Variants in MAN2A2 observed in about 807,000 individuals in gnomAD.
MAN2A2 encodes the protein alpha-mannosidase 2x.
A neutral mutation model predicts 126.8 loss-of-function variants in MAN2A2; 79 were observed. That is an observed-to-expected ratio of 0.62 (90% CI 0.52 to 0.75). MAN2A2 has a LOEUF of 0.75. Ranked by LOEUF, MAN2A2 falls within the 30% of genes least tolerant of loss-of-function variation. MAN2A2 has a pLI of 0.00. For missense variants in MAN2A2, 1,392 were observed against 1,522.4 expected, an observed-to-expected ratio of 0.91 and a Z score of 1.43; for synonymous variants, 671 against 618.7, an observed-to-expected ratio of 1.08 and a Z score of -1.25.
chr15:90,918,546 G>A (rs924487001), intron 21 of MAN2A2, 99 bp from the exon 22 acceptor site: 2 of 1,183,196 alleles, frequency 1.7e-6, no homozygotes, highest in Non-Finnish European at 2.4e-6. Flanking sequence ...TTACCCACAC[G>A]CCTCCCTGTG....
chr15:90,902,566 G>A (rs2033923012), upstream of MAN2A2: 1 of 152,186 alleles, frequency 6.6e-6, no homozygotes, highest in Non-Finnish European at 1.5e-5. Flanking sequence ...TCCCTCCTGA[G>A]GTTCCGCAGC....
At position 90,913,059 on chromosome 15, in the gene MAN2A2, T is replaced by A. The variant is rs1172206951; in HGVS notation, c.2584+68T>A. 5 of 1,320,398 alleles carry A rather than the reference T, an allele frequency of 3.8e-6. No homozygotes were observed. In the African/African-American group the frequency reaches 7.3e-5, roughly 19 times the overall value. The allele number at this position is 1,320,398 out of a possible 1,614,324, so 81.8% of individuals were successfully genotyped here. On this transcript the variant is annotated intron_variant, in intron 17 of 22. Coordinates refer to ENST00000559717, the MANE Select transcript of MAN2A2 (RefSeq NM_006122.4). ...CTCCACAACTGTGGCGTATTCTTCC[T>A]TCTGCTGCTTCTCTGTTCATACCTC...
At position 90,921,350 on chromosome 15, in the gene MAN2A2, A is replaced by G. The variant is rs2035534424; in HGVS notation, c.*1563A>G. On this transcript the variant is annotated 3_prime_UTR_variant, in exon 23 of 23. Coordinates refer to ENST00000559717, the MANE Select transcript of MAN2A2 (RefSeq NM_006122.4). ...TTTGGAATTGACAGTTCTAAAGTGC[A>G]TTTGGGAGAGTGAATGTGTGAGAAC... 6.6e-6 allele frequency: 1 copy of G among 152,204 alleles called. No individual in the cohort carries two copies. Among genetic ancestry groups the G allele is most frequent in the African/African-American group, 2.4e-5 (1 of 41,452 alleles). The allele number at this position is 152,204 out of a possible 1,614,324, so 9.4% of individuals were successfully genotyped here. A position where few individuals can be genotyped will look rare whatever the true frequency, so the allele number is the denominator to read the frequency against.
At chr15:90,910,004 C>A in intron 9 of MAN2A2, 86 bp from the exon 10 acceptor site, 1 of 1,227,922 alleles carries the variant, frequency 8.1e-7, no homozygotes. Flanking sequence ...GCCAGAGCCC[C>A]TGCCTCACCC....
Position 90,919,901 on chromosome 15 carries a change from A to G in MAN2A2, c.*114A>G, listed in dbSNP as rs925184766. 19 of 1,254,976 alleles carry G rather than the reference A, an allele frequency of 1.5e-5. No individual in the cohort carries two copies. The highest frequency in any genetic ancestry group is 2.1e-5 in the Non-Finnish European group (19 of 895,278). The allele number at this position is 1,254,976 out of a possible 1,614,324, so 77.7% of individuals were successfully genotyped here. A position where few individuals can be genotyped will look rare whatever the true frequency, so the allele number is the denominator to read the frequency against. On this transcript the variant is annotated 3_prime_UTR_variant, in exon 23 of 23. Coordinates refer to ENST00000559717, the MANE Select transcript of MAN2A2 (RefSeq NM_006122.4). ...CCGATCTGCCTCCCAGAACTGTGAC[A>G]CACTGGGCTCTGCCCTCATTTTCTG...
At chr15:90,918,164 C>T (rs767018649) in intron 20 of MAN2A2, 30 bp from the exon 21 acceptor site, 1 of 1,599,216 alleles carries the variant, frequency 6.3e-7, no homozygotes, top group Non-Finnish European at 8.5e-7. Flanking sequence ...GGCTTTGGTC[C>T]CTCACCAATA....
chr15:90,909,426 C>T lies in MAN2A2; in HGVS notation c.1296C>T (p.Pro432=). The change falls in exon 9 of 23, where the codon CCC becomes CCT. Residue 432 remains proline, a synonymous_variant. Transcript: ENST00000559717. ...PLGDDFRYDK[P]QEWDAQFFNY... ...GAGATGACTTCCGATATGACAAGCCCCAGGAGTGGGATGCCCAGTTCTTCA... is the reference window on the plus strand; with the variant it reads ...GAGATGACTTCCGATATGACAAGCCTCAGGAGTGGGATGCCCAGTTCTTCA... 6.2e-7 allele frequency: 1 copy of T among 1,614,116 alleles called. No individual in the cohort carries two copies. Among genetic ancestry groups the T allele is most frequent in the Non-Finnish European group, 8.5e-7 (1 of 1,179,996 alleles).
chr15:90,909,626 T>TG, intron 9 of MAN2A2, 122 bp downstream of exon 9: 1 of 919,996 alleles, frequency 1.1e-6, no homozygotes, highest in South Asian at 2.0e-5. Flanking sequence ...TTTTTTGAGA[T>TG]GGAGTCTCAC....
At chr15:90,918,504 C>T (rs551455832) in intron 21 of MAN2A2, 116 bp downstream of exon 21, 6 of 1,321,026 alleles carry the variant, frequency 4.5e-6, no homozygotes, top group African/African-American at 4.4e-5. Flanking sequence ...GTATTCGGCT[C>T]CAAACCTCCA....
rs1483628927 is a variant in MAN2A2, at chr15:90,911,239, G to T, written c.1943+1G>T. On this transcript the variant is annotated splice_donor_variant, in intron 13 of 22. Coordinates refer to ENST00000559717, the MANE Select transcript of MAN2A2 (RefSeq NM_006122.4). LOFTEE classifies it high-confidence loss of function. ...TGATCCAGCTGGATTCCTCGCCCAG[G>T]TAACCTGGACTACGCCATGTGCAGA... 1 of 1,614,058 alleles carries T rather than the reference G, an allele frequency of 6.2e-7. No homozygotes were observed.
chr15:90,913,871 C>T, intron 19 of MAN2A2, 116 bp downstream of exon 19: 8 of 1,332,470 alleles, frequency 6.0e-6, no homozygotes, highest in Non-Finnish European at 8.0e-6. Flanking sequence ...TGCATCACCT[C>T]CATGCTTGGA....
intron 20 of MAN2A2, chr15:90,916,564 A>C (rs1420715562): frequency 2.2e-6 from 3 of 1,381,856 alleles, no homozygotes; most frequent in Non-Finnish European, 1.9e-6. Flanking sequence ...CGCTCATCTC[A>C]TGGCTTTCTT....
At chr15:90,908,125 T>G (rs1241199316) in intron 8 of MAN2A2, among the ~76,000 whole-genome samples, 1 of 152,240 alleles carries the variant, frequency 6.6e-6, no homozygotes, top group Non-Finnish European at 1.5e-5. Context: ...GTCTTTTGTT[T>G]CCAGAAGTCT....
chr15:90,902,647 G>A (rs2033928018), upstream of MAN2A2: 1 of 151,708 alleles, frequency 6.6e-6, no homozygotes, highest in Admixed American at 6.6e-5. Context: ...GAGGAGCCGG[G>A]CGGGGACCGC....
Position 90,913,255 on chromosome 15 carries a change from C to A in MAN2A2, c.2585-18C>A. ...AGCCTCACACCTGTCCATGCCCCCACTTTGTTCCTGTACCCAGGGGTGGAG... is the reference window on the plus strand; with the variant it reads ...AGCCTCACACCTGTCCATGCCCCCAATTTGTTCCTGTACCCAGGGGTGGAG... On this transcript the variant is annotated intron_variant, in intron 17 of 22. Transcript: ENST00000559717. The A allele has an allele frequency of 6.2e-7, 1 of 1,612,988 alleles. No individual in the cohort carries two copies. The highest frequency in any genetic ancestry group is 8.5e-7 in the Non-Finnish European group (1 of 1,179,446).
chr15:90,919,712 G>C lies in MAN2A2; in HGVS notation c.3378G>C (p.Leu1126=), dbSNP rs754358709. 6.2e-7 allele frequency: 1 copy of C among 1,614,180 alleles called. No individual in the cohort carries two copies. Among genetic ancestry groups the C allele is most frequent in the Non-Finnish European group, 8.5e-7 (1 of 1,180,028 alleles). ...CCTCCTTGACGTTACTGTACCCTCT[G>C]GCCTCCCCGTCCAACAGCACTGACG... ...QPTSLTLLYP[L]ASPSNSTDVY... Residue 1126 remains leucine, a synonymous_variant, in exon 23 of 23, where the codon CTG becomes CTC. Transcript: ENST00000559717.
chr15:90,905,477 T>TG lies in MAN2A2; in HGVS notation c.365dup (p.Arg123ProfsTer19), dbSNP rs770182612. 6.2e-7 allele frequency: 1 copy of TG among 1,613,848 alleles called. No individual in the cohort carries two copies. The highest frequency in any genetic ancestry group is 1.1e-5 in the South Asian group (1 of 91,070). On this transcript the variant is annotated frameshift_variant, in exon 3 of 23. Coordinates refer to ENST00000559717, the MANE Select transcript of MAN2A2 (RefSeq NM_006122.4). LOFTEE classifies it high-confidence loss of function. ...TCCCCGCAGGACTGCCAGTTTGCTTTGGGGGGCCGGGGTCAGAAGCCAGAG... is the reference window on the plus strand; with the variant it reads ...TCCCCGCAGGACTGCCAGTTTGCTTTGGGGGGGCCGGGGTCAGAAGCCAGAG...
Position 90,922,126 on chromosome 15 carries a change from G to T in MAN2A2, c.*2339G>T, listed in dbSNP as rs2035571054. ...AAATATCGAAAGTCTCTGTGTGATG[G>T]AAAACATCAAGGTTAAAACACAAAT... On this transcript the variant is annotated 3_prime_UTR_variant, in exon 23 of 23. Coordinates refer to ENST00000559717, the MANE Select transcript of MAN2A2 (RefSeq NM_006122.4). The T allele has an allele frequency of 6.6e-6, 1 of 152,174 alleles. No individual in the cohort carries two copies. The highest frequency in any genetic ancestry group is 1.5e-5 in the Non-Finnish European group (1 of 68,036). The allele number at this position is 152,174 out of a possible 1,614,324, so 9.4% of individuals were successfully genotyped here. A position where few individuals can be genotyped will look rare whatever the true frequency, so the allele number is the denominator to read the frequency against.
chr15:90,921,980 G>A lies in MAN2A2; in HGVS notation c.*2193G>A, dbSNP rs552773536. On this transcript the variant is annotated 3_prime_UTR_variant, in exon 23 of 23. Coordinates refer to ENST00000559717, the MANE Select transcript of MAN2A2 (RefSeq NM_006122.4). ...CCATACAAATTAGTTCCAGAGGGAA[G>A]ATATACCACAAAATTACTCAAAAAT... The A allele has an allele frequency of 6.6e-6, 1 of 152,150 alleles. No individual in the cohort carries two copies. The highest frequency in any genetic ancestry group is 1.5e-5 in the Non-Finnish European group (1 of 67,992). The allele number at this position is 152,150 out of a possible 1,614,324, so 9.4% of individuals were successfully genotyped here.
Sources: allele counts gnomAD v4.1 joint callset (sites outside exome capture counted in the v4.1 genomes callset), GRCh38; gene constraint gnomAD v4.1.1; transcripts MANE v1.5; gene names NCBI Gene and HGNC (gene_info 2026-07-23, HGNC 2026-07-21).